The following ONECUT2 variants were observed in gnomAD, a reference collection of about 807,000 sequenced individuals.
The protein encoded by ONECUT2 is one cut domain family member 2.
ONECUT2 carries 10 observed loss-of-function variants against 27.9 expected under a neutral mutation model. That is an observed-to-expected ratio of 0.36 (90% confidence interval 0.22 to 0.61). The LOEUF (loss-of-function observed/expected upper bound fraction) is 0.61, where lower values mean the gene tolerates loss of function less well. ONECUT2 is among the 20% of genes least tolerant of loss of function. ONECUT2 has a pLI of 0.73. For missense variants in ONECUT2, 686 were observed against 721.0 expected, an observed-to-expected ratio of 0.95 and a Z score of 0.56; for synonymous variants, 334 against 315.1, an observed-to-expected ratio of 1.06 and a Z score of -0.64.
In ONECUT2 at chr18:57,435,439, A is replaced by T. The variant is rs879932312; in HGVS notation, c.-278A>T. 5.9e-5 allele frequency among the ~76,000 whole-genome samples: 9 copies of T among 151,304 alleles called. No homozygotes were observed. The highest frequency in any genetic ancestry group is 1.0e-4 in the Non-Finnish European group (7 of 67,790). ...CGTCGGCGCCGGAGCGGGCTCGGACATGGCGAGGCTGCGAGCCGGCCCGAG... is the reference window on the plus strand; with the variant it reads ...CGTCGGCGCCGGAGCGGGCTCGGACTTGGCGAGGCTGCGAGCCGGCCCGAG... On this transcript the variant is annotated 5_prime_UTR_variant, in exon 1 of 2. An upstream start codon of the reference 5' UTR is lost. Coordinates refer to ENST00000491143, the MANE Select transcript of ONECUT2 (RefSeq NM_004852.3).
chr18:57,451,179 A>C (rs942285066), intron 1 of ONECUT2, among the ~76,000 whole-genome samples: 1 of 152,384 alleles, frequency 6.6e-6, no homozygotes, highest in Middle Eastern at 3.4e-3. Context: ...TTTGACGTTC[A>C]TATTACATGA....
Position 57,490,281 on chromosome 18 carries a change from A to G in ONECUT2, c.*13558A>G, listed in dbSNP as rs1242461887. 6.6e-6 allele frequency: 1 copy of G among 152,174 alleles called. No individual in the cohort carries two copies. The highest frequency in any genetic ancestry group is 2.4e-5 in the African/African-American group (1 of 41,438). The allele number at this position is 152,174 out of a possible 1,614,324, so 9.4% of individuals were successfully genotyped here. On this transcript the variant is annotated 3_prime_UTR_variant, in exon 2 of 2. Transcript: ENST00000491143. Reference sequence around the variant, plus strand: ...AACAAGTTCCAGTATCTTTTCTTCCATCCAGTTTTGTTCTCAGAATCCAAG... The same window carrying G: ...AACAAGTTCCAGTATCTTTTCTTCCGTCCAGTTTTGTTCTCAGAATCCAAG...
chr18:57,481,880 G>A lies in ONECUT2; in HGVS notation c.*5157G>A, dbSNP rs1347101983. 6.6e-6 allele frequency: 1 copy of A among 152,218 alleles called. No homozygotes were observed. Among genetic ancestry groups the A allele is most frequent in the Admixed American group, 6.5e-5 (1 of 15,278 alleles). 9.4% of individuals were successfully genotyped at this position (152,218 alleles called of 1,614,324 possible). A position where few individuals can be genotyped will look rare whatever the true frequency, so the allele number is the denominator to read the frequency against. On this transcript the variant is annotated 3_prime_UTR_variant, in exon 2 of 2. Transcript: ENST00000491143. ...CGATAATCTTCTAGATTCGTAACAG[G>A]TTAGAGCTGACTTTTTGTTTTTGTT...
Position 57,476,913 on chromosome 18 carries a change from T to C in ONECUT2, c.*190T>C. Reference sequence around the variant, plus strand: ...CCAGGTGTTCTTCTTTTGTTTTTAATGGCTATGGAGTCCAAGTGCAAGCTG... The same window carrying C: ...CCAGGTGTTCTTCTTTTGTTTTTAACGGCTATGGAGTCCAAGTGCAAGCTG... On this transcript the variant is annotated 3_prime_UTR_variant, in exon 2 of 2. Coordinates refer to ENST00000491143, the MANE Select transcript of ONECUT2 (RefSeq NM_004852.3). 1 of 671,022 alleles carries C rather than the reference T, an allele frequency of 1.5e-6. No individual in the cohort carries two copies. Among genetic ancestry groups the C allele is most frequent in the Non-Finnish European group, 2.5e-6 (1 of 404,330 alleles). 41.6% of individuals were successfully genotyped at this position (671,022 alleles called of 1,614,324 possible).
chr18:57,438,503 G>A (rs903383452), intron 1 of ONECUT2, among the ~76,000 whole-genome samples: 1 of 152,344 alleles, frequency 6.6e-6, no homozygotes, highest in African/African-American at 2.4e-5. Context: ...CCAGCTTGTG[G>A]GGTGCACTCG....
chr18:57,488,544 A>T lies in ONECUT2; in HGVS notation c.*11821A>T, dbSNP rs1019250044. 12 of 152,588 alleles carry T rather than the reference A, an allele frequency of 7.9e-5. No homozygotes were observed. Among genetic ancestry groups the T allele is most frequent in the African/African-American group, 2.9e-4 (12 of 41,428 alleles). 9.5% of individuals were successfully genotyped at this position (152,588 alleles called of 1,614,324 possible). A position where few individuals can be genotyped will look rare whatever the true frequency, so the allele number is the denominator to read the frequency against. ...AGACTTGTCTTATGAAACCCAAGGTATATTTTGTTATGCCATTTTATGTCC... is the reference window on the plus strand; with the variant it reads ...AGACTTGTCTTATGAAACCCAAGGTTTATTTTGTTATGCCATTTTATGTCC... On this transcript the variant is annotated 3_prime_UTR_variant, in exon 2 of 2. Coordinates refer to ENST00000491143, the MANE Select transcript of ONECUT2 (RefSeq NM_004852.3).
intron 1 of ONECUT2, among the ~76,000 whole-genome samples, chr18:57,454,356 C>G (rs1380389357): frequency 6.6e-6 from 1 of 152,064 alleles, no homozygotes; most frequent in Non-Finnish European, 1.5e-5. Context: ...ACCAATGTTC[C>G]CATAGCTTTT....
At chr18:57,444,873 AG>A (rs928625300) in intron 1 of ONECUT2, among the ~76,000 whole-genome samples, 4 of 152,058 alleles carry the variant, frequency 2.6e-5, no homozygotes, top group Admixed American at 2.6e-4. Flanking sequence ...AAAAATGGGA[AG>A]GGGGGTGGGA....
chr18:57,452,437 A>ATTTTATTTTG (rs2050235777), intron 1 of ONECUT2, among the ~76,000 whole-genome samples: 2 of 151,882 alleles, frequency 1.3e-5, no homozygotes, highest in African/African-American at 4.8e-5. Flanking sequence ...ATTTTATTTT[A>ATTTTATTTTG]TTTTAGAGAC....
chr18:57,436,887 A>T lies in ONECUT2; in HGVS notation c.1171A>T (p.Met391Leu), dbSNP rs898449614. 2 of 1,613,344 alleles carry T rather than the reference A, an allele frequency of 1.2e-6. No individual in the cohort carries two copies. The highest frequency in any genetic ancestry group is 1.3e-5 in the African/African-American group (1 of 74,920). ...ATCTGGCAGGGAGACCTTCCGCAGG[A>T]TGTGGAAGTGGCTTCAGGAGCCCGA... ...LKSGRETFRR[M>L]WKWLQEPEFQ... Residue 391 changes from methionine (M) to leucine (L), a missense_variant, in exon 1 of 2, where the codon ATG becomes TTG. This residue lies in a region of ONECUT2 where 47 missense variants were observed against 86.0 expected (regional missense o/e 0.55). Coordinates refer to ENST00000491143, the MANE Select transcript of ONECUT2 (RefSeq NM_004852.3). This position sits in a 1 kb window ranked among gnomAD's most constrained non-coding sequence, Gnocchi z 5.9.
intron 1 of ONECUT2, among the ~76,000 whole-genome samples, chr18:57,459,263 A>G (rs1425923922): frequency 2.0e-5 from 3 of 152,230 alleles, no homozygotes; most frequent in Non-Finnish European, 4.4e-5. Flanking sequence ...TTGGAAACCA[A>G]AGAAGAGTGG....
At chr18:57,448,790 AT>A (rs2050214903) in intron 1 of ONECUT2, among the ~76,000 whole-genome samples, 1 of 152,230 alleles carries the variant, frequency 6.6e-6, no homozygotes, top group Admixed American at 6.5e-5. Context: ...TTGAAAAGAT[AT>A]TTTACAGAAC....
At chr18:57,464,933 T>C (rs1331053128) in intron 1 of ONECUT2, among the ~76,000 whole-genome samples, 2 of 152,196 alleles carry the variant, frequency 1.3e-5, no homozygotes, top group African/African-American at 2.4e-5. Context: ...AATATTTTCA[T>C]AGAAAATTTT....
intron 1 of ONECUT2, among the ~76,000 whole-genome samples, chr18:57,442,985 TGAGA>T (rs1033372788): frequency 6.6e-6 from 1 of 152,096 alleles, no homozygotes; most frequent in Non-Finnish European, 1.5e-5. Flanking sequence ...ACCCCCGATA[TGAGA>T]GAGAGCCTCC....
rs79482214 is a variant in ONECUT2, at chr18:57,441,757, G to A, written c.1228+4813G>A. ...CCGCAGATCCCCTCCTATCCTCATCGGTTCTCGTACTAAAAAGGCTCACGC... is the reference window on the plus strand; with the variant it reads ...CCGCAGATCCCCTCCTATCCTCATCAGTTCTCGTACTAAAAAGGCTCACGC... On this transcript the variant is annotated intron_variant, in intron 1 of 1. Coordinates refer to ENST00000491143, the MANE Select transcript of ONECUT2 (RefSeq NM_004852.3). Among the ~76,000 whole-genome samples, 507 of 152,358 alleles carry A rather than the reference G, an allele frequency of 3.3e-3. 3 individuals are homozygous for A. Among genetic ancestry groups the A allele is most frequent in the Non-Finnish European group, 3.4e-3 (233 of 68,030 alleles).
chr18:57,479,877 C>T lies in ONECUT2; in HGVS notation c.*3154C>T, dbSNP rs529989408. On this transcript the variant is annotated 3_prime_UTR_variant, in exon 2 of 2. Transcript: ENST00000491143. Reference sequence around the variant, plus strand: ...TCAGTGAGCAGGTCCACCAAAGGGACTTCTCACAGGGGAAGCCCAACTCCT... The same window carrying T: ...TCAGTGAGCAGGTCCACCAAAGGGATTTCTCACAGGGGAAGCCCAACTCCT... 2 of 152,346 alleles carry T rather than the reference C, an allele frequency of 1.3e-5. No homozygotes were observed. Among genetic ancestry groups the T allele is most frequent in the South Asian group, 4.1e-4 (2 of 4,824 alleles). 9.4% of individuals were successfully genotyped at this position (152,346 alleles called of 1,614,324 possible).
At chr18:57,460,786 C>T (rs1568122111) in intron 1 of ONECUT2, among the ~76,000 whole-genome samples, 1 of 149,232 alleles carries the variant, frequency 6.7e-6, no homozygotes, top group Non-Finnish European at 1.5e-5. Context: ...ACCTCCCTAG[C>T]TCGGGTGATC....
intron 1 of ONECUT2, among the ~76,000 whole-genome samples, chr18:57,454,002 G>A (rs879306377): frequency 5.9e-5 from 9 of 152,104 alleles, no homozygotes; most frequent in Admixed American, 5.9e-4. Flanking sequence ...TGTTCGAGCT[G>A]TAATTGAAGA....
At chr18:57,459,215 G>A (rs974913187) in intron 1 of ONECUT2, among the ~76,000 whole-genome samples, 1 of 152,142 alleles carries the variant, frequency 6.6e-6, no homozygotes, top group Non-Finnish European at 1.5e-5. Context: ...GACACACATC[G>A]ACTGAAAGTG....
Sources: gnomAD v4.1 joint callset for allele counts (sites outside exome capture counted in the v4.1 genomes callset) on GRCh38, gnomAD v4.1.1 for gene constraint, gnomAD v4.1.1 regional missense constraint, Gnocchi (gnomAD v3.1) non-coding constraint, MANE v1.5 for transcripts, NCBI Gene and HGNC (gene_info 2026-07-23, HGNC 2026-07-21) for gene names.